The following DPF3 variants were observed in gnomAD, a reference collection of about 807,000 sequenced individuals.
The protein encoded by DPF3 is zinc finger protein DPF3.
DPF3 carries 18 observed loss-of-function variants against 56.8 expected under a neutral mutation model. That is an observed-to-expected ratio of 0.32 (90% CI 0.22 to 0.47). DPF3 has a LOEUF of 0.47. Among genes scored for constraint, DPF3 ranks in the 20% least tolerant of loss-of-function variants. The probability of loss-of-function intolerance (pLI) is 1.00; values close to 1 mark genes in which losing one functional copy is unlikely to be tolerated. For synonymous variants in DPF3, 188 were observed against 180.2 expected (o/e 1.04, Z -0.35); for missense variants, 403 against 488.8 (o/e 0.82, Z 1.65).
intron 8 of DPF3, chr14:72,671,122 T>A (rs1293685670): frequency 6.2e-7 from 1 of 1,612,660 alleles, no homozygotes; most frequent in African/African-American, 1.3e-5. Context: ...GCCCAGAGAG[T>A]CTGTTCCGTG....
At chr14:72,660,521 C>G (rs1455775392) in intron 8 of DPF3, among the ~76,000 whole-genome samples, 1 of 152,184 alleles carries the variant, frequency 6.6e-6, no homozygotes, top group Non-Finnish European at 1.5e-5. Flanking sequence ...AAGCCTACCC[C>G]GGGGGTTCCA....
intron 1 of DPF3, among the ~76,000 whole-genome samples, chr14:72,861,873 T>C (rs1412616357): frequency 6.6e-6 from 1 of 152,192 alleles, no homozygotes; most frequent in Non-Finnish European, 1.5e-5. Flanking sequence ...AATGGTGTCA[T>C]AAGGTTTTAA....
At chr14:72,730,985 T>C (rs1889616132) in intron 4 of DPF3, among the ~76,000 whole-genome samples, 1 of 152,006 alleles carries the variant, frequency 6.6e-6, no homozygotes, top group Non-Finnish European at 1.5e-5. Context: ...CTGGCCAATA[T>C]GGTGAAACCC....
chr14:72,634,722 C>A (rs562187337), intron 8 of DPF3, among the ~76,000 whole-genome samples: 6 of 151,624 alleles, frequency 4.0e-5, no homozygotes, highest in Admixed American at 2.0e-4. Context: ...TTTGCACCAA[C>A]CTAATACTTG....
chr14:72,667,973 C>G (rs971404097), intron 8 of DPF3, among the ~76,000 whole-genome samples: 3 of 152,198 alleles, frequency 2.0e-5, no homozygotes, highest in Admixed American at 1.3e-4. Context: ...ATTTCTTAAC[C>G]TTATTACTAA....
chr14:72,651,886 G>A (rs114154642), intron 8 of DPF3, among the ~76,000 whole-genome samples: 2,599 of 152,268 alleles, frequency 0.017, 54 homozygotes, highest in African/African-American at 0.044. Context: ...TGCCTTTGCT[G>A]GGAAGCTCAG....
At chr14:72,756,837 A>AAAGG (rs1890816691) in intron 2 of DPF3, among the ~76,000 whole-genome samples, 1 of 109,828 alleles carries the variant, frequency 9.1e-6, no homozygotes, top group African/African-American at 3.5e-5. Context: ...AGAAAGAAAG[A>AAAGG]AAGAAAGAAA....
intron 9 of DPF3, among the ~76,000 whole-genome samples, chr14:72,625,638 C>T (rs527950866): frequency 6.6e-6 from 1 of 152,298 alleles, no homozygotes; most frequent in East Asian, 1.9e-4. Context: ...CCAGCCAACA[C>T]AGCTAGGAAA....
Position 72,723,681 on chromosome 14 carries a change from C to T in DPF3, c.477G>A (p.Glu159=). 2 of 1,589,108 alleles carry T rather than the reference C, an allele frequency of 1.3e-6. No homozygotes were observed. ...GCTTGGGAATATCCTCTTCCAAATC[C>T]TCTTCTTCATTCCCTTCTTCTACAT... ...DENVEEGNEE[E]DLEEDIPKRK... is the part of the protein sequence containing the mutation. Residue 159 remains glutamate, a synonymous_variant, in exon 5 of 11, where the codon GAG becomes GAA. Coordinates refer to ENST00000556509, the MANE Select transcript of DPF3 (RefSeq NM_001280542.3).
At chr14:72,705,914 G>A (rs1307847554) in intron 6 of DPF3, among the ~76,000 whole-genome samples, 2 of 152,112 alleles carry the variant, frequency 1.3e-5, no homozygotes, top group African/African-American at 4.8e-5. Context: ...GTGTGTGGTG[G>A]GGGAGGGAAG....
intron 3 of DPF3, among the ~76,000 whole-genome samples, chr14:72,751,203 A>T (rs896424330): frequency 9.2e-5 from 14 of 152,324 alleles, no homozygotes; most frequent in Admixed American, 2.6e-4. Flanking sequence ...AACAAAAATT[A>T]AAAAATAAAA....
chr14:72,789,009 G>C (rs740978), intron 1 of DPF3, among the ~76,000 whole-genome samples: 147,331 of 152,328 alleles, frequency 0.97, 71,271 homozygotes, highest in East Asian at 1. Context: ...CCTATCCCCA[G>C]TCCAGCCCTC....
chr14:72,759,289 AT>A (rs1599416499), intron 2 of DPF3, among the ~76,000 whole-genome samples: 1 of 152,214 alleles, frequency 6.6e-6, no homozygotes, highest in African/African-American at 2.4e-5. Context: ...AGAAAAAAAA[AT>A]AATGGCATAA....
intron 2 of DPF3, among the ~76,000 whole-genome samples, chr14:72,760,194 G>A (rs188831482): frequency 6.6e-4 from 100 of 152,244 alleles, no homozygotes; most frequent in Non-Finnish European, 1.2e-3. Flanking sequence ...ATGATGGCCG[G>A]GCGCGGTGGC....
At position 72,612,296 on chromosome 14, in the gene DPF3, C is replaced by G. The variant is rs8010823; in HGVS notation, c.*7001G>C. Among the ~76,000 whole-genome samples the G allele has an allele frequency of 8.5e-5, 13 of 152,300 alleles. No homozygotes were observed. The highest frequency in any genetic ancestry group is 3.1e-4 in the African/African-American group (13 of 41,568). Reference sequence around the variant, plus strand: ...TTTCCCAAATGCCATGTGGACCAGACGCATTGGTGAGCCAGGGACGCCCTG... The same window carrying G: ...TTTCCCAAATGCCATGTGGACCAGAGGCATTGGTGAGCCAGGGACGCCCTG... On this transcript the variant is annotated 3_prime_UTR_variant, in exon 11 of 11. Coordinates refer to ENST00000556509, the MANE Select transcript of DPF3 (RefSeq NM_001280542.3).
intron 2 of DPF3, among the ~76,000 whole-genome samples, chr14:72,770,107 A>G (rs989811503): frequency 6.6e-6 from 1 of 152,232 alleles, no homozygotes; most frequent in African/African-American, 2.4e-5. Context: ...AGGGCTGCTA[A>G]CATCAGTAAA....
intron 7 of DPF3, among the ~76,000 whole-genome samples, chr14:72,691,908 A>T (rs1887703568): frequency 6.6e-6 from 1 of 152,074 alleles, no homozygotes; most frequent in African/African-American, 2.4e-5. Flanking sequence ...GAGAAAATTA[A>T]TTTCTGTGGT....
At chr14:72,701,709 A>T (rs548237934) in intron 6 of DPF3, among the ~76,000 whole-genome samples, 2 of 152,342 alleles carry the variant, frequency 1.3e-5, no homozygotes, top group East Asian at 3.9e-4. Context: ...TGGAGCACAC[A>T]GTGGGAATCT....
chr14:72,717,482 G>A (rs1353539702), intron 5 of DPF3, among the ~76,000 whole-genome samples: 1 of 152,150 alleles, frequency 6.6e-6, no homozygotes, highest in Non-Finnish European at 1.5e-5. Flanking sequence ...CTGAACTCCT[G>A]TTGCCTTTGG....
Sources: gnomAD v4.1 joint callset for allele counts (sites outside exome capture counted in the v4.1 genomes callset) on GRCh38, gnomAD v4.1.1 for gene constraint, MANE v1.5 for transcripts, NCBI Gene and HGNC (gene_info 2026-07-23, HGNC 2026-07-21) for gene names.